Variants in TMCC1 observed in about 807,000 individuals in gnomAD.
The protein encoded by TMCC1 is transmembrane and coiled-coil domain family 1.
TMCC1 carries 15 observed loss-of-function variants against 52.4 expected under a neutral mutation model. The observed-to-expected ratio is 0.29, with a 90% CI of 0.19 to 0.44. The LOEUF (loss-of-function observed/expected upper bound fraction) is 0.44, where lower values mean the gene tolerates loss of function less well. TMCC1 is among the 20% of genes least tolerant of loss of function. The pLI, the probability that TMCC1 is intolerant of heterozygous loss-of-function variation, is 1.00. For synonymous variants in TMCC1, 279 were observed against 301.9 expected (o/e 0.92, Z 0.79); for missense variants, 503 against 806.0 (o/e 0.62, Z 4.55).
At chr3:129,880,081 G>A (rs576833414) in intron 2 of TMCC1, among the ~76,000 whole-genome samples, 4 of 152,178 alleles carry the variant, frequency 2.6e-5, no homozygotes, top group South Asian at 2.1e-4. Flanking sequence ...GTCTAATCCC[G>A]TGTCTAATAA....
chr3:129,695,608 C>T (rs2047359446), intron 4 of TMCC1, among the ~76,000 whole-genome samples: 1 of 152,126 alleles, frequency 6.6e-6, no homozygotes, highest in African/African-American at 2.4e-5. Flanking sequence ...TGAGAACTCA[C>T]TAGCATGAGA....
chr3:129,663,347 G>GA (rs2087190253), intron 5 of TMCC1, among the ~76,000 whole-genome samples: 1 of 152,144 alleles, frequency 6.6e-6, no homozygotes, highest in Non-Finnish European at 1.5e-5. Context: ...TAGGTCCCAG[G>GA]AAAAACACCC....
At chr3:129,797,808 T>C (rs2056935586) in intron 4 of TMCC1, among the ~76,000 whole-genome samples, 1 of 152,170 alleles carries the variant, frequency 6.6e-6, no homozygotes, top group Non-Finnish European at 1.5e-5. Context: ...GTTGAACATA[T>C]CTAAGTGTAT....
At chr3:129,711,228 C>G (rs1430391461) in intron 4 of TMCC1, among the ~76,000 whole-genome samples, 1 of 152,146 alleles carries the variant, frequency 6.6e-6, no homozygotes, top group East Asian at 1.9e-4. Flanking sequence ...GAATCACTTG[C>G]CGCTTAATAA....
rs559304325 is a variant in TMCC1 at position 129,873,371 on chromosome 3, C to T, written c.-184+6938G>A. Among the ~76,000 whole-genome samples the T allele has an allele frequency of 3.9e-4, 58 of 147,378 alleles. 1 individual carries two copies. The highest frequency in any genetic ancestry group is 1.8e-3 in the Admixed American group (26 of 14,748). Reference sequence around the variant, plus strand: ...ATACATAACATGAAACACTATGCAGCTGAAAAAAAAAAAAAACGGACACAA... The same window carrying T: ...ATACATAACATGAAACACTATGCAGTTGAAAAAAAAAAAAAACGGACACAA... On this transcript the variant is annotated intron_variant, in intron 2 of 6. Coordinates refer to ENST00000393238, the MANE Select transcript of TMCC1 (RefSeq NM_001017395.5).
intron 4 of TMCC1, among the ~76,000 whole-genome samples, chr3:129,678,018 C>T (rs1400000981): frequency 6.6e-6 from 1 of 152,166 alleles, no homozygotes; most frequent in Admixed American, 6.5e-5. Context: ...CCTCTGCCTC[C>T]TGGGTTCAAG....
At chr3:129,813,143 T>C (rs1310938456) in intron 4 of TMCC1, among the ~76,000 whole-genome samples, 1 of 152,146 alleles carries the variant, frequency 6.6e-6, no homozygotes, top group Non-Finnish European at 1.5e-5. Context: ...ATGTCTATTA[T>C]TAAAAAGTCA....
chr3:129,654,926 C>T (rs769647687), intron 6 of TMCC1, 42 bp downstream of exon 6: 1 of 1,593,770 alleles, frequency 6.3e-7, no homozygotes, highest in East Asian at 2.2e-5. Flanking sequence ...TTCTTTCTAA[C>T]CCTACTGTAT....
At chr3:129,861,212 G>T (rs983364924) in intron 2 of TMCC1, among the ~76,000 whole-genome samples, 1 of 152,070 alleles carries the variant, frequency 6.6e-6, no homozygotes, top group African/African-American at 2.4e-5. Context: ...AGGCCGAGGC[G>T]GGCGGATCAT....
In TMCC1 at chr3:129,651,000, C is replaced by A; in HGVS notation, c.*481G>T. On this transcript the variant is annotated 3_prime_UTR_variant, in exon 7 of 7. Coordinates refer to ENST00000393238, the MANE Select transcript of TMCC1 (RefSeq NM_001017395.5). Reference sequence around the variant, plus strand: ...TCTTCCACGGACAACGAAAATCCACCCCGAATCCAAAAATTCAGACATGGA... The same window carrying A: ...TCTTCCACGGACAACGAAAATCCACACCGAATCCAAAAATTCAGACATGGA... 6.5e-6 allele frequency: 1 copy of A among 154,428 alleles called. No individual in the cohort carries two copies. Among genetic ancestry groups the A allele is most frequent in the Admixed American group, 6.4e-5 (1 of 15,652 alleles). 9.6% of individuals were successfully genotyped at this position (154,428 alleles called of 1,614,324 possible).
At chr3:129,767,257 T>C (rs2107692766) in intron 4 of TMCC1, among the ~76,000 whole-genome samples, 1 of 143,216 alleles carries the variant, frequency 7.0e-6, no homozygotes, top group East Asian at 2.0e-4. Context: ...AGACGCTGTC[T>C]TTAAAAAAAA....
intron 4 of TMCC1, among the ~76,000 whole-genome samples, chr3:129,730,477 C>G (rs2107613847): frequency 6.6e-6 from 1 of 152,320 alleles, no homozygotes; most frequent in South Asian, 2.1e-4. Context: ...TTACGTGGGT[C>G]TATTTCTGAA....
intron 4 of TMCC1, among the ~76,000 whole-genome samples, chr3:129,671,998 G>A (rs1276984453): frequency 6.6e-6 from 1 of 152,156 alleles, no homozygotes; most frequent in Non-Finnish European, 1.5e-5. Flanking sequence ...ACAAGTCAGG[G>A]ACAAGGATCA....
chr3:129,701,555 T>C (rs531920812), intron 4 of TMCC1, among the ~76,000 whole-genome samples: 97 of 152,354 alleles, frequency 6.4e-4, no homozygotes, highest in Admixed American at 1.4e-3. Flanking sequence ...CATATGAATA[T>C]ATAAATAAGG....
chr3:129,825,518 T>A, intron 4 of TMCC1, among the ~76,000 whole-genome samples: 1 of 151,420 alleles, frequency 6.6e-6, no homozygotes. Context: ...GAAGTTTACA[T>A]CTATCTTTTT....
At chr3:129,790,657 A>C (rs891313392) in intron 4 of TMCC1, among the ~76,000 whole-genome samples, 19 of 152,190 alleles carry the variant, frequency 1.2e-4, no homozygotes, top group Admixed American at 7.2e-4. Flanking sequence ...GAGTAATTTA[A>C]GAAGGACTTT....
chr3:129,706,238 T>C (rs1308903708), intron 4 of TMCC1, among the ~76,000 whole-genome samples: 2 of 151,934 alleles, frequency 1.3e-5, no homozygotes, highest in African/African-American at 4.8e-5. Context: ...GGAGTCTTGC[T>C]CTGTCACCCA....
At chr3:129,683,208 A>G (rs1338871406) in intron 4 of TMCC1, among the ~76,000 whole-genome samples, 1 of 152,226 alleles carries the variant, frequency 6.6e-6, no homozygotes, top group Non-Finnish European at 1.5e-5. Context: ...AATCCTTTTC[A>G]TGCCAACCAT....
intron 4 of TMCC1, among the ~76,000 whole-genome samples, chr3:129,812,148 C>A (rs2057848099): frequency 6.6e-6 from 1 of 151,694 alleles, no homozygotes; most frequent in African/African-American, 2.4e-5. Flanking sequence ...TCAAGATCAG[C>A]CTGGCCAACA....
Sources: gnomAD v4.1 joint callset for allele counts (sites outside exome capture counted in the v4.1 genomes callset) on GRCh38, gnomAD v4.1.1 for gene constraint, MANE v1.5 for transcripts, NCBI Gene and HGNC (gene_info 2026-07-23, HGNC 2026-07-21) for gene names.